Variants in MTCH2 observed in about 807,000 individuals in gnomAD.
The protein encoded by MTCH2 is mitochondrial carrier 2.
MTCH2 carries 25 observed loss-of-function variants against 50.6 expected under a neutral mutation model. The observed-to-expected ratio is 0.49, with a 90% confidence interval of 0.36 to 0.69. MTCH2 has a LOEUF of 0.69. Among genes scored for constraint, MTCH2 ranks in the 30% least tolerant of loss-of-function variants. The probability of loss-of-function intolerance (pLI) is 0.00; values close to 1 mark genes in which losing one functional copy is unlikely to be tolerated. For synonymous variants in MTCH2, 106 were observed against 132.0 expected, an observed-to-expected ratio of 0.80 and a Z score of 1.35; for missense variants, 273 against 384.4, an observed-to-expected ratio of 0.71 and a Z score of 2.42.
intron 8 of MTCH2, 31 bp downstream of exon 8, chr11:47,630,523 CA>C (rs1422864264): frequency 1.9e-6 from 3 of 1,566,566 alleles, no homozygotes; most frequent in Non-Finnish European, 1.8e-6. Flanking sequence ...CCCACTCATG[CA>C]AAAATTACAC....
At chr11:47,641,730 G>T (rs1312906891) in intron 1 of MTCH2, among the ~76,000 whole-genome samples, 3 of 152,160 alleles carry the variant, frequency 2.0e-5, no homozygotes, top group Non-Finnish European at 4.4e-5. Context: ...TGACAAATGT[G>T]ATTTTCATTG....
intron 8 of MTCH2, 92 bp from the exon 9 acceptor site, chr11:47,629,138 G>T: frequency 1.9e-6 from 2 of 1,079,292 alleles, no homozygotes; most frequent in Non-Finnish European, 2.8e-6. Flanking sequence ...ATAATTAGAG[G>T]TCACAAAACA....
At chr11:47,621,877 T>C (rs1598834433) in intron 12 of MTCH2, among the ~76,000 whole-genome samples, 1 of 152,026 alleles carries the variant, frequency 6.6e-6, no homozygotes, top group Admixed American at 6.6e-5. Context: ...TTATTTTATT[T>C]TCCTTTTTTG....
At chr11:47,626,856 G>A (rs749788749) in intron 10 of MTCH2, among the ~76,000 whole-genome samples, 12 of 151,558 alleles carry the variant, frequency 7.9e-5, no homozygotes, top group Non-Finnish European at 1.5e-4. Context: ...CAGGTGATCC[G>A]CCCACCTCAC....
At chr11:47,604,466 C>T in the MTCH2 span, among the ~76,000 whole-genome samples, 2 of 152,110 alleles carry the variant, frequency 1.3e-5, no homozygotes, top group Admixed American at 6.6e-5. Flanking sequence ...AATGTGCATG[C>T]CCTTTAAGTC....
the MTCH2 span, among the ~76,000 whole-genome samples, chr11:47,608,773 A>G: frequency 1.4e-4 from 21 of 152,124 alleles, no homozygotes; most frequent in Non-Finnish European, 2.6e-4. Flanking sequence ...CCTGGCTAAC[A>G]TGGTGAAACC....
chr11:47,639,119 T>G, intron 1 of MTCH2, 68 bp from the exon 2 acceptor site: 1 of 1,369,922 alleles, frequency 7.3e-7, no homozygotes, highest in South Asian at 1.3e-5. Context: ...TGCAAGGTCT[T>G]GAATAAAGAA....
At chr11:47,639,968 A>G (rs1046197706) in intron 1 of MTCH2, among the ~76,000 whole-genome samples, 1 of 152,186 alleles carries the variant, frequency 6.6e-6, no homozygotes, top group Admixed American at 6.6e-5. Flanking sequence ...AACACTACAG[A>G]TACTTGACAG....
At position 47,618,708 on chromosome 11, in the gene MTCH2, C is replaced by A. The variant is rs1205887890; in HGVS notation, c.*125G>T. 4 of 658,600 alleles carry A rather than the reference C, an allele frequency of 6.1e-6. No homozygotes were observed. Among genetic ancestry groups the A allele is most frequent in the Non-Finnish European group, 8.6e-6 (4 of 464,566 alleles). 40.8% of individuals were successfully genotyped at this position (658,600 alleles called of 1,614,324 possible). On this transcript the variant is annotated 3_prime_UTR_variant, in exon 13 of 13. Transcript: ENST00000302503. ...GAACAAAAAAGGCAGACACCAAACA[C>A]CTGAATTTTCCCAAGATTAAATGAT...
In MTCH2 at chr11:47,622,783, T is replaced by A. The variant is rs750348679; in HGVS notation, c.750-7A>T. 3 of 1,582,676 alleles carry A rather than the reference T, an allele frequency of 1.9e-6. No homozygotes were observed. Among genetic ancestry groups the A allele is most frequent in the South Asian group, 2.3e-5 (2 of 87,190 alleles). Reference sequence around the variant, plus strand: ...AGGGCATCCACCAGCAAGACTAAAATAGAAAAAAACATGGAGCTATTCATG... The same window carrying A: ...AGGGCATCCACCAGCAAGACTAAAAAAGAAAAAAACATGGAGCTATTCATG... On this transcript the variant is annotated splice_region_variant and splice_polypyrimidine_tract_variant and intron_variant, in intron 11 of 12. Transcript: ENST00000302503.
chr11:47,609,696 A>G, the MTCH2 span, among the ~76,000 whole-genome samples: 3 of 151,770 alleles, frequency 2.0e-5, no homozygotes, highest in Non-Finnish European at 2.9e-5. Flanking sequence ...GTCAAAAAGC[A>G]GTATTTTATC....
At chr11:47,630,973 G>T (rs1295522754) in intron 7 of MTCH2, 63 bp downstream of exon 7, 1 of 1,263,218 alleles carries the variant, frequency 7.9e-7, no homozygotes, top group Non-Finnish European at 1.2e-6. Flanking sequence ...ATACAAAGTA[G>T]TATTATTCTA....
chr11:47,620,396 G>C (rs1203442302), intron 12 of MTCH2, among the ~76,000 whole-genome samples: 1 of 152,010 alleles, frequency 6.6e-6, no homozygotes, highest in Non-Finnish European at 1.5e-5. Flanking sequence ...TTGAGCCAGA[G>C]ACCTCAGCCA....
chr11:47,620,079 A>G (rs1269730133), intron 12 of MTCH2, among the ~76,000 whole-genome samples: 1 of 151,338 alleles, frequency 6.6e-6, no homozygotes, highest in Non-Finnish European at 1.5e-5. Flanking sequence ...TCCGTCTCAA[A>G]CAAAACAAAA....
chr11:47,636,813 A>C (rs1038189528), intron 3 of MTCH2, among the ~76,000 whole-genome samples: 1 of 152,166 alleles, frequency 6.6e-6, no homozygotes, highest in Admixed American at 6.6e-5. Flanking sequence ...ACACTTTGGA[A>C]GGCCGAAGAG....
chr11:47,625,553 T>A (rs1000537486), intron 11 of MTCH2, 121 bp downstream of exon 11: 5 of 768,470 alleles, frequency 6.5e-6, no homozygotes, highest in East Asian at 2.6e-5. Flanking sequence ...CCCCCCTTTT[T>A]AAAAAAATAC....
downstream of MTCH2, among the ~76,000 whole-genome samples, chr11:47,612,728 C>CA (rs541769139): frequency 0.017 from 1,629 of 96,928 alleles, 21 homozygotes; most frequent in Middle Eastern, 0.063. Flanking sequence ...GACCCTATCT[C>CA]AAAAAAAAAA....
At chr11:47,622,315 A>G (rs2097294029) in intron 12 of MTCH2, among the ~76,000 whole-genome samples, 1 of 152,216 alleles carries the variant, frequency 6.6e-6, no homozygotes, top group Non-Finnish European at 1.5e-5. Context: ...AGCTCTGTCA[A>G]TACCACTGTG....
At chr11:47,610,911 A>G in the MTCH2 span, among the ~76,000 whole-genome samples, 1 of 152,134 alleles carries the variant, frequency 6.6e-6, no homozygotes, top group East Asian at 1.9e-4. Flanking sequence ...ATCTCCCCAA[A>G]TGGATGTAAG....
Sources: allele counts gnomAD v4.1 joint callset (sites outside exome capture counted in the v4.1 genomes callset), GRCh38; gene constraint gnomAD v4.1.1; transcripts MANE v1.5; gene names NCBI Gene and HGNC (gene_info 2026-07-23, HGNC 2026-07-21).